The following SORBS2 variants were observed in gnomAD, a reference collection of about 807,000 sequenced individuals.
SORBS2 encodes the protein sorbin and SH3 domain containing 2.
In SORBS2, 46 loss-of-function variants were observed where a neutral mutation model predicts 97.7. That is an observed-to-expected ratio of 0.47 (90% CI 0.37 to 0.60). The LOEUF (loss-of-function observed/expected upper bound fraction) is 0.60, where lower values mean the gene tolerates loss of function less well. SORBS2 is among the 20% of genes least tolerant of loss of function. The probability of loss-of-function intolerance (pLI) is 0.00; values close to 1 mark genes in which losing one functional copy is unlikely to be tolerated. For missense variants in SORBS2, 1,316 were observed against 1,282.3 expected, an observed-to-expected ratio of 1.03 and a Z score of -0.40; for synonymous variants, 476 against 473.4, an observed-to-expected ratio of 1.01 and a Z score of -0.07.
rs1325141750 is a variant in SORBS2 at position 185,622,903 on chromosome 4, A to G, written c.2215+11T>C. 7.7e-6 allele frequency: 12 copies of G among 1,568,460 alleles called. No homozygotes were observed. The highest frequency in any genetic ancestry group is 9.5e-6 in the Non-Finnish European group (11 of 1,156,966). On this transcript the variant is annotated intron_variant, in intron 7 of 14. Coordinates refer to ENST00000418609, the Ensembl canonical transcript of SORBS2. ...TGAACCACAAGGAAAAAGAAAGAAA[A>G]GCTCATCCACCTTGGAGTGCACCGC...
intron 1 of SORBS2, among the ~76,000 whole-genome samples, chr4:185,949,489 T>TGC (rs1169801279): frequency 6.6e-6 from 1 of 151,944 alleles, no homozygotes; most frequent in Non-Finnish European, 1.5e-5. Flanking sequence ...ACCAAAATGG[T>TGC]GCAGTCGGGG....
At chr4:185,638,281 C>A in intron 4 of SORBS2, 119 bp from the exon 15 acceptor site, 1 of 710,346 alleles carries the variant, frequency 1.4e-6, no homozygotes, top group Non-Finnish European at 2.5e-6. Flanking sequence ...CAACTCTCAC[C>A]CCACGAACCT....
At chr4:185,743,194 C>G (rs1479098362) in intron 2 of SORBS2, among the ~76,000 whole-genome samples, 1 of 152,010 alleles carries the variant, frequency 6.6e-6, no homozygotes, top group Non-Finnish European at 1.5e-5. Context: ...ATTATTTTTT[C>G]GTGGCATCCT....
At chr4:185,828,672 A>T (rs1035785077) in intron 1 of SORBS2, among the ~76,000 whole-genome samples, 2 of 152,246 alleles carry the variant, frequency 1.3e-5, no homozygotes, top group Admixed American at 1.3e-4. Context: ...ACGAGATCCT[A>T]AATGTCCCAA....
chr4:185,639,936 G>A (rs1008609366), intron 4 of SORBS2, among the ~76,000 whole-genome samples: 7 of 152,168 alleles, frequency 4.6e-5, no homozygotes, highest in African/African-American at 9.7e-5. Context: ...AGCTTGAAAT[G>A]TTCCATATTC....
At chr4:185,847,029 C>T (rs966450886) in intron 1 of SORBS2, among the ~76,000 whole-genome samples, 2 of 152,044 alleles carry the variant, frequency 1.3e-5, no homozygotes, top group Non-Finnish European at 1.5e-5. Context: ...TTTGGTGTGG[C>T]GGGAGTGGCG....
intron 2 of SORBS2, among the ~76,000 whole-genome samples, chr4:185,681,575 AC>A (rs1190543831): frequency 6.6e-6 from 1 of 152,192 alleles, no homozygotes; most frequent in Non-Finnish European, 1.5e-5. Context: ...TCACTGCTTC[AC>A]TGAAAATCCA....
chr4:185,801,452 C>T (rs1310911744), intron 1 of SORBS2, among the ~76,000 whole-genome samples: 1 of 152,172 alleles, frequency 6.6e-6, no homozygotes, highest in East Asian at 1.9e-4. Flanking sequence ...ACAAGGGTTC[C>T]CTTTTCTCCA....
intron 2 of SORBS2, 60 bp downstream of exon 11, chr4:185,651,724 C>A (rs374110558): frequency 4.3e-6 from 4 of 920,294 alleles, no homozygotes; most frequent in South Asian, 1.4e-5. Context: ...GTGACCGTGT[C>A]GTTCTTCCAA....
In SORBS2 at chr4:185,623,496, G is replaced by A. The variant is rs753236504; in HGVS notation, c.1633C>T (p.His545Tyr). 1 of 1,613,678 alleles carries A rather than the reference G, an allele frequency of 6.2e-7. No individual in the cohort carries two copies. Among genetic ancestry groups the A allele is most frequent in the Non-Finnish European group, 8.5e-7 (1 of 1,179,986 alleles). Reference sequence around the variant, plus strand: ...TGGTGGTGGTGGTGATGGTGGTGGTGGTGGCTGGATCCGTAAAAGCTTTCG... The same window carrying A: ...TGGTGGTGGTGGTGATGGTGGTGGTAGTGGCTGGATCCGTAAAAGCTTTCG... Residue 545 changes from histidine to tyrosine, a missense_variant, in exon 7 of 15, where the codon CAC becomes TAC. Physicochemically the swap from His to Tyr is moderately conservative, Grantham distance 83. Transcript: ENST00000418609. This position sits in a 1 kb window ranked among gnomAD's most constrained non-coding sequence, Gnocchi z 6.4.
At chr4:185,808,583 G>T (rs2099166418) in intron 1 of SORBS2, among the ~76,000 whole-genome samples, 1 of 152,162 alleles carries the variant, frequency 6.6e-6, no homozygotes, top group African/African-American at 2.4e-5. Flanking sequence ...GATTCTAAGA[G>T]AATATTCTCT....
At chr4:185,787,876 A>G (rs938496170) in intron 1 of SORBS2, among the ~76,000 whole-genome samples, 3 of 152,276 alleles carry the variant, frequency 2.0e-5, no homozygotes, top group African/African-American at 7.2e-5. Flanking sequence ...GCTGGAAAGC[A>G]CATTACGAAA....
chr4:185,814,904 C>A (rs1488324717), intron 1 of SORBS2, among the ~76,000 whole-genome samples: 1 of 152,242 alleles, frequency 6.6e-6, no homozygotes, highest in South Asian at 2.1e-4. Flanking sequence ...TTGCTCTGAC[C>A]TCAGGCCCTG....
intron 1 of SORBS2, among the ~76,000 whole-genome samples, chr4:185,798,841 G>T (rs186534545): frequency 2.0e-5 from 3 of 152,140 alleles, no homozygotes; most frequent in Admixed American, 2.0e-4. Context: ...AAACGTTTTT[G>T]CCCTGATATC....
At chr4:185,655,679 T>C (rs576203069) in intron 1 of SORBS2, among the ~76,000 whole-genome samples, 43 of 152,268 alleles carry the variant, frequency 2.8e-4, no homozygotes, top group Non-Finnish European at 5.3e-4. Flanking sequence ...AACGTGCTTT[T>C]GATTTGGCAG....
intron 1 of SORBS2, among the ~76,000 whole-genome samples, chr4:185,915,909 C>G (rs7665083): frequency 1 from 152,328 of 152,328 alleles, 76,164 homozygotes; most frequent in Non-Finnish European, 1. Context: ...TAATATTTGA[C>G]CTGGAAACTG....
intron 1 of SORBS2, among the ~76,000 whole-genome samples, chr4:185,916,020 A>C (rs2099257966): frequency 6.6e-6 from 1 of 152,194 alleles, no homozygotes; most frequent in African/African-American, 2.4e-5. Context: ...GTATAGGAAG[A>C]AAGCAGAGAG....
chr4:185,786,646 G>A (rs964652347), intron 1 of SORBS2, among the ~76,000 whole-genome samples: 4 of 152,174 alleles, frequency 2.6e-5, no homozygotes, highest in African/African-American at 7.2e-5. Context: ...TAATCTCCCT[G>A]AGCCTGGATT....
chr4:185,765,117 T>C (rs2098926708), intron 2 of SORBS2, among the ~76,000 whole-genome samples: 1 of 152,112 alleles, frequency 6.6e-6, no homozygotes, highest in South Asian at 2.1e-4. Flanking sequence ...ATATGATTCA[T>C]ATATGGTGGT....
Sources: gnomAD v4.1 joint callset for allele counts (sites outside exome capture counted in the v4.1 genomes callset) on GRCh38, gnomAD v4.1.1 for gene constraint, Gnocchi (gnomAD v3.1) non-coding constraint, MANE v1.5 for transcripts, NCBI Gene and HGNC (gene_info 2026-07-23, HGNC 2026-07-21) for gene names.